Variants in PHYH observed in about 807,000 individuals in gnomAD.
PHYH encodes phytanoyl-CoA 2-hydroxylase.
PHYH carries 32 observed loss-of-function variants against 38.5 expected under a neutral mutation model. That is an observed-to-expected ratio of 0.83 (90% confidence interval 0.63 to 1.12). PHYH has a LOEUF of 1.12. Among genes scored for constraint, PHYH ranks in the 50% most tolerant of loss-of-function variants. The pLI, the probability that PHYH is intolerant of heterozygous loss-of-function variation, is 0.00. For missense variants in PHYH, 426 were observed against 434.8 expected, an observed-to-expected ratio of 0.98 and a Z score of 0.18; for synonymous variants, 166 against 157.9, an observed-to-expected ratio of 1.05 and a Z score of -0.38.
At position 13,288,378 on chromosome 10, in the gene PHYH, G is replaced by C; in HGVS notation, c.660C>G (p.His220Gln). Residue 220 changes from histidine (H) to glutamine (Q), a missense_variant, in exon 6 of 9, where the codon CAC (histidine) becomes CAG (glutamine). Physicochemically the swap from His to Gln is conservative, Grantham distance 24. Coordinates refer to ENST00000263038, the MANE Select transcript of PHYH (RefSeq NM_006214.4). ...PGTHKGSLKP[H>Q]DYPKWEGGVN... ...GACCTACCTCCCACTTGGGGTAATC[G>C]TGGGGCTTCAGGGAGCCCTTGTGTG... The C allele has an allele frequency of 6.2e-7, 1 of 1,613,878 alleles. No homozygotes were observed. Among genetic ancestry groups the C allele is most frequent in the Non-Finnish European group, 8.5e-7 (1 of 1,179,998 alleles).
chr10:13,288,663 G>C (rs896002982), intron 5 of PHYH, 122 bp from the exon 6 acceptor site: 103 of 941,254 alleles, frequency 1.1e-4, no homozygotes, highest in Non-Finnish European at 1.5e-4. Context: ...CAGATGGATG[G>C]CTTGAGCCTG....
rs868826397 is a variant in PHYH at position 13,285,173 on chromosome 10, G to A, written c.679-1334C>T. 3.9e-5 allele frequency among the ~76,000 whole-genome samples: 6 copies of A among 152,148 alleles called. No individual in the cohort carries two copies. In the East Asian group the frequency reaches 5.8e-4, roughly 15 times the overall value. The stretch of plus-strand genomic sequence containing the variant: ...ATTATTGGTGCAAGAAATCTGAGAC[G>A]TTCTATTATTATTATTATTGTTATT... On this transcript the variant is annotated intron_variant, in intron 6 of 8. Coordinates refer to ENST00000263038, the MANE Select transcript of PHYH (RefSeq NM_006214.4).
At chr10:13,289,063 T>A (rs1032945508) in intron 5 of PHYH, among the ~76,000 whole-genome samples, 19 of 151,924 alleles carry the variant, frequency 1.3e-4, no homozygotes, top group Admixed American at 1.2e-3. Flanking sequence ...AACACCAAAT[T>A]GGAAATCAAC....
chr10:13,289,709 C>T (rs1835655287), intron 5 of PHYH, among the ~76,000 whole-genome samples: 1 of 151,110 alleles, frequency 6.6e-6, no homozygotes, highest in Admixed American at 6.6e-5. Flanking sequence ...AGGCAGGCAG[C>T]TCTCTTGAGG....
chr10:13,281,033 C>T lies in PHYH; in HGVS notation c.906G>A (p.Lys302=), dbSNP rs1474837915. The T allele has an allele frequency of 1.9e-6, 3 of 1,613,950 alleles. No individual in the cohort carries two copies. The highest frequency in any genetic ancestry group is 3.3e-5 in the Admixed American group (2 of 59,994). Residue 302 remains lysine, a synonymous_variant, in exon 8 of 9, where the codon AAG becomes AAA. Coordinates refer to ENST00000263038, the MANE Select transcript of PHYH (RefSeq NM_006214.4). The stretch of plus-strand genomic sequence containing the variant: ...ATTTATGTGCTATTCCTACAACTTC[C>T]TTCTCGATGTTTTCTTGACTGGTGC... ...VKGTSQENIE[K]EVVGIAHKFF...
intron 3 of PHYH, chr10:13,294,876 T>C (rs1835804022): frequency 5.1e-5 from 23 of 451,220 alleles, no homozygotes; most frequent in South Asian, 4.6e-4. Context: ...TCTGTAACAC[T>C]TACCATGTGC....
chr10:13,280,519 CTTT>C (rs1484952411), intron 8 of PHYH, among the ~76,000 whole-genome samples: 4 of 152,012 alleles, frequency 2.6e-5, no homozygotes, highest in African/African-American at 9.7e-5. Flanking sequence ...ATTTTTATTT[CTTT>C]TTTAGTAGAG....
At chr10:13,287,202 G>C (rs1835573759) in intron 6 of PHYH, among the ~76,000 whole-genome samples, 1 of 152,002 alleles carries the variant, frequency 6.6e-6, no homozygotes, top group Non-Finnish European at 1.5e-5. Context: ...AGCTGGGTGT[G>C]GTGGTGCGCG....
At chr10:13,299,368 C>T in intron 1 of PHYH, 2 of 931,884 alleles carry the variant, frequency 2.1e-6, no homozygotes, top group Non-Finnish European at 1.3e-6. Context: ...GCCTTGGCCC[C>T]CAGAAGAGCC....
At chr10:13,292,044 AAC>A (rs1209964804) in intron 4 of PHYH, 132 bp from the exon 5 acceptor site, 1 of 690,112 alleles carries the variant, frequency 1.4e-6, no homozygotes, top group Non-Finnish European at 2.6e-6. Flanking sequence ...GGTATTTCAC[AAC>A]ATTGCAAACA....
chr10:13,281,836 T>C (rs1835420396), intron 7 of PHYH, among the ~76,000 whole-genome samples: 1 of 152,236 alleles, frequency 6.6e-6, no homozygotes, highest in African/African-American at 2.4e-5. Flanking sequence ...ACAAACTCCA[T>C]TGCCTCTGTA....
intron 5 of PHYH, among the ~76,000 whole-genome samples, chr10:13,289,321 G>A (rs1007160265): frequency 6.6e-6 from 1 of 151,880 alleles, no homozygotes; most frequent in African/African-American, 2.4e-5. Flanking sequence ...TCAGCCTCCC[G>A]AGTAGCTGGG....
intron 1 of PHYH, 139 bp downstream of exon 1, chr10:13,299,829 C>G (rs1413475507): frequency 1.5e-6 from 2 of 1,324,206 alleles, no homozygotes; most frequent in South Asian, 2.0e-5. Flanking sequence ...GCGACCCAGG[C>G]GGGGACGCGG....
chr10:13,299,967 C>A lies in PHYH; in HGVS notation c.75+1G>T, dbSNP rs970229634. On this transcript the variant is annotated splice_donor_variant, in intron 1 of 8. Transcript: ENST00000263038. LOFTEE classifies it high-confidence loss of function. ...CGAGCCCCGCGCAGCCCAAAGGATA[C>A]GACAGCCCCGGCCGAGGGGCGGCCG... 2.9e-5 allele frequency: 45 copies of A among 1,529,760 alleles called. No homozygotes were observed. Among genetic ancestry groups the A allele is most frequent in the Non-Finnish European group, 3.8e-5 (44 of 1,143,672 alleles). 94.8% of individuals were successfully genotyped at this position (1,529,760 alleles called of 1,614,324 possible).
intron 8 of PHYH, among the ~76,000 whole-genome samples, chr10:13,279,768 C>G (rs1445585660): frequency 6.6e-6 from 1 of 152,054 alleles, no homozygotes; most frequent in Non-Finnish European, 1.5e-5. Context: ...CTTGACAAAC[C>G]TCAAACATAA....
At chr10:13,298,922 A>AAT (rs758425959) in intron 1 of PHYH, among the ~76,000 whole-genome samples, 154 of 58,060 alleles carry the variant, frequency 2.7e-3, no homozygotes, top group African/African-American at 6.8e-3. Context: ...TCCGTCTCAA[A>AAT]AATAATAATA....
intron 4 of PHYH, among the ~76,000 whole-genome samples, chr10:13,292,408 G>C (rs1023735439): frequency 6.6e-6 from 1 of 152,222 alleles, no homozygotes; most frequent in East Asian, 1.9e-4. Context: ...AGGAGGTGAC[G>C]GGAAATGGGG....
chr10:13,285,992 C>T (rs1305346568), intron 6 of PHYH, among the ~76,000 whole-genome samples: 4 of 152,042 alleles, frequency 2.6e-5, no homozygotes, highest in South Asian at 2.1e-4. Flanking sequence ...ACTGCAGCCT[C>T]GAATTCCTGG....
chr10:13,288,210 A>G, intron 6 of PHYH, 150 bp downstream of exon 6: 1 of 716,966 alleles, frequency 1.4e-6, no homozygotes, highest in Admixed American at 2.5e-5. Flanking sequence ...GACATCCTTG[A>G]ACTTTCTCTG....
Sources: gnomAD v4.1 joint callset for allele counts (sites outside exome capture counted in the v4.1 genomes callset) on GRCh38, gnomAD v4.1.1 for gene constraint, MANE v1.5 for transcripts, NCBI Gene and HGNC (gene_info 2026-07-23, HGNC 2026-07-21) for gene names.